U2SURP: variants seen among roughly 807,000 people sequenced by gnomAD.
U2SURP encodes the protein U2 snRNP-associated SURP motif-containing protein.
U2SURP carries 9 observed loss-of-function variants against 144.9 expected under a neutral mutation model. That is an observed-to-expected ratio of 0.06 (90% confidence interval 0.04 to 0.11). U2SURP has a LOEUF of 0.11. U2SURP is among the 10% of genes least tolerant of loss of function. The pLI, the probability that U2SURP is intolerant of heterozygous loss-of-function variation, is 1.00. For missense variants in U2SURP, 724 were observed against 1,226.7 expected (o/e 0.59, Z 6.12); for synonymous variants, 408 against 396.8 (o/e 1.03, Z -0.33).
intron 16 of U2SURP, among the ~76,000 whole-genome samples, chr3:143,029,252 A>G (rs757568844): frequency 6.6e-6 from 1 of 152,238 alleles, no homozygotes; most frequent in Non-Finnish European, 1.5e-5. Flanking sequence ...AAGTACAGAC[A>G]TACTTAGTTT....
At chr3:143,055,560 G>A (rs1215283342) in intron 27 of U2SURP, among the ~76,000 whole-genome samples, 2 of 151,864 alleles carry the variant, frequency 1.3e-5, no homozygotes, top group Non-Finnish European at 2.9e-5. Context: ...TTAGTATTTT[G>A]TATACTTTTT....
chr3:143,053,270 T>G (rs1197043821), intron 25 of U2SURP, among the ~76,000 whole-genome samples: 1 of 152,190 alleles, frequency 6.6e-6, no homozygotes, highest in Non-Finnish European at 1.5e-5. Context: ...ACTCTAGAGC[T>G]TGGTCTCAAA....
At chr3:143,019,064 T>C (rs1257816174) in intron 6 of U2SURP, among the ~76,000 whole-genome samples, 1 of 152,250 alleles carries the variant, frequency 6.6e-6, no homozygotes, top group Non-Finnish European at 1.5e-5. Context: ...CATGTGTTTA[T>C]TGTCCATTTA....
intron 1 of U2SURP, among the ~76,000 whole-genome samples, chr3:143,010,035 C>T (rs1277690701): frequency 6.6e-6 from 1 of 152,186 alleles, no homozygotes; most frequent in Non-Finnish European, 1.5e-5. Flanking sequence ...TATTTTGGAT[C>T]CCCAAGTAAA....
At chr3:143,025,141 A>G (rs78410856) in intron 13 of U2SURP, among the ~76,000 whole-genome samples, 3,859 of 152,254 alleles carry the variant, frequency 0.025, 80 homozygotes, top group Non-Finnish European at 0.038. Flanking sequence ...CATTTTAAAA[A>G]TACTTATAAA....
At chr3:143,049,089 T>G (rs1362875084) in intron 24 of U2SURP, among the ~76,000 whole-genome samples, 2 of 142,794 alleles carry the variant, frequency 1.4e-5, no homozygotes, top group African/African-American at 5.1e-5. Context: ...ACCCTGTCTC[T>G]GCTTAAAAAA....
intron 4 of U2SURP, among the ~76,000 whole-genome samples, chr3:143,014,920 A>G (rs1196726250): frequency 6.6e-6 from 1 of 152,046 alleles, no homozygotes; most frequent in Non-Finnish European, 1.5e-5. Flanking sequence ...AATGTTATGC[A>G]TATGTTTGGT....
intron 18 of U2SURP, among the ~76,000 whole-genome samples, chr3:143,033,834 A>T (rs528082746): frequency 1.3e-5 from 2 of 152,174 alleles, no homozygotes; most frequent in African/African-American, 4.8e-5. Context: ...ATTGGCTTAC[A>T]CTTAAGCTAA....
intron 1 of U2SURP, among the ~76,000 whole-genome samples, chr3:143,003,193 A>T: frequency 6.6e-6 from 1 of 152,158 alleles, no homozygotes; most frequent in East Asian, 1.9e-4. Context: ...TAAATAAATT[A>T]TTGGATTATC....
At chr3:143,036,400 T>C (rs1417768268) in intron 20 of U2SURP, among the ~76,000 whole-genome samples, 1 of 152,194 alleles carries the variant, frequency 6.6e-6, no homozygotes, top group Non-Finnish European at 1.5e-5. Context: ...GCAATATGTA[T>C]AGCATGACTT....
At chr3:143,012,408 C>T (rs1168238824) in intron 3 of U2SURP, 55 bp downstream of exon 3, 1 of 1,452,488 alleles carries the variant, frequency 6.9e-7, no homozygotes, top group African/African-American at 1.4e-5. Flanking sequence ...TGATTTTAAT[C>T]TGTCTTTGAC....
chr3:143,045,339 A>T (rs1934371461), intron 24 of U2SURP, among the ~76,000 whole-genome samples: 1 of 145,290 alleles, frequency 6.9e-6, no homozygotes, highest in Non-Finnish European at 1.5e-5. Context: ...ACTGCACTGC[A>T]GCCTGGGCGA....
intron 19 of U2SURP, 150 bp from the exon 20 acceptor site, chr3:143,035,832 T>C (rs1933781488): frequency 1.5e-6 from 1 of 677,578 alleles, no homozygotes; most frequent in South Asian, 4.1e-5. Context: ...TTAAAAAATA[T>C]GGTAATGATA....
rs1553846513 is a variant in U2SURP at position 143,047,881 on chromosome 3, G to GAC, written c.2545-3057_2545-3056dup. On this transcript the variant is annotated intron_variant, in intron 24 of 27. Transcript: ENST00000473835. The stretch of plus-strand genomic sequence containing the variant: ...GGGGCGGCTGGCCGGGCGGGGGGCT[G>GAC]ACCCCCCCCAACCTCCCTCCCGGAC... 1.3e-3 allele frequency among the ~76,000 whole-genome samples: 92 copies of GAC among 70,864 alleles called. 2 individuals are homozygous for GAC. Among genetic ancestry groups the GAC allele is most frequent in the African/African-American group, 5.8e-3 (84 of 14,454 alleles). The allele number at this position is 70,864 out of a possible 152,430, so 46.5% of individuals were successfully genotyped here.
At chr3:143,029,337 C>G (rs1933340407) in intron 16 of U2SURP, among the ~76,000 whole-genome samples, 1 of 152,174 alleles carries the variant, frequency 6.6e-6, no homozygotes, top group African/African-American at 2.4e-5. Context: ...AACCCTAAGT[C>G]AAACAAATCT....
Position 143,035,193 on chromosome 3 carries a change from G to A in U2SURP, c.1941+218G>A, listed in dbSNP as rs530260823. ...AGGTTTAATTTTAGTTTTAAATATT[G>A]TTTAAAAATTATAAATGTTAGTCTT... On this transcript the variant is annotated intron_variant, in intron 19 of 27. Coordinates refer to ENST00000473835, the MANE Select transcript of U2SURP (RefSeq NM_001080415.2). Among the ~76,000 whole-genome samples the A allele has an allele frequency of 2.1e-3, 317 of 151,648 alleles. 3 individuals are homozygous for A. Among genetic ancestry groups the A allele is most frequent in the African/African-American group, 7.2e-3 (300 of 41,410 alleles).
chr3:143,042,345 ATTTC>A (rs1934158967), intron 23 of U2SURP, among the ~76,000 whole-genome samples: 1 of 152,122 alleles, frequency 6.6e-6, no homozygotes, highest in Non-Finnish European at 1.5e-5. Flanking sequence ...TGTATTGGTT[ATTTC>A]TTAGTAACTC....
At chr3:143,016,206 A>T in intron 4 of U2SURP, 51 bp from the exon 5 acceptor site, 1 of 1,531,872 alleles carries the variant, frequency 6.5e-7, no homozygotes, top group Non-Finnish European at 9.0e-7. Context: ...AGCCTTGTGT[A>T]CATTAACAAT....
At chr3:143,007,963 G>A (rs765271879) in intron 1 of U2SURP, among the ~76,000 whole-genome samples, 9 of 152,178 alleles carry the variant, frequency 5.9e-5, no homozygotes, top group Admixed American at 3.9e-4. Flanking sequence ...TTAAAGTTCC[G>A]TGCTGAATGC....
Sources: allele counts gnomAD v4.1 joint callset (sites outside exome capture counted in the v4.1 genomes callset), GRCh38; gene constraint gnomAD v4.1.1; transcripts MANE v1.5; gene names NCBI Gene and HGNC (gene_info 2026-07-23, HGNC 2026-07-21).